RBFOX1: variants seen among roughly 807,000 people sequenced by gnomAD.
RBFOX1 encodes RNA binding fox-1 homolog 1, also known as RNA binding protein fox-1 homolog 1.
In RBFOX1, 8 loss-of-function variants were observed where a neutral mutation model predicts 57.7. The observed-to-expected ratio is 0.14, with a 90% CI of 0.08 to 0.25. The LOEUF is 0.25. Among genes scored for constraint, RBFOX1 ranks in the 10% least tolerant of loss-of-function variants. The probability of loss-of-function intolerance (pLI) is 1.00; values close to 1 mark genes in which losing one functional copy is unlikely to be tolerated. For synonymous variants in RBFOX1, 326 were observed against 222.4 expected, an observed-to-expected ratio of 1.47 and a Z score of -4.15; for missense variants, 611 against 548.5, an observed-to-expected ratio of 1.11 and a Z score of -1.14.
chr16:6,492,346 G>C (rs11640093), intron 2 of RBFOX1, among the ~76,000 whole-genome samples: 19,224 of 152,008 alleles, frequency 0.13, 1,931 homozygotes, highest in East Asian at 0.43. Context: ...AAGGAAGGAG[G>C]ATCATGAGGT....
intron 4 of RBFOX1, among the ~76,000 whole-genome samples, chr16:7,350,699 A>G (rs993087324): frequency 6.6e-6 from 1 of 152,198 alleles, no homozygotes; most frequent in African/African-American, 2.4e-5. Context: ...TCATGCTGCC[A>G]TTTCTTTGAT....
chr16:6,937,446 G>A (rs1440311601), intron 3 of RBFOX1, among the ~76,000 whole-genome samples: 1 of 152,106 alleles, frequency 6.6e-6, no homozygotes, highest in African/African-American at 2.4e-5. Context: ...AGATGTCAAT[G>A]AAAAGAGTCA....
chr16:7,547,326 G>A (rs565731344), intron 5 of RBFOX1, among the ~76,000 whole-genome samples: 5 of 152,310 alleles, frequency 3.3e-5, no homozygotes, highest in African/African-American at 1.2e-4. Flanking sequence ...CTGTTTGTAA[G>A]TGGCCACTAA....
chr16:6,721,314 G>A (rs1442066307), intron 3 of RBFOX1, among the ~76,000 whole-genome samples: 1 of 152,054 alleles, frequency 6.6e-6, no homozygotes, highest in Non-Finnish European at 1.5e-5. Flanking sequence ...ATGGTGGCGG[G>A]TGCCTGTAAT....
intron 4 of RBFOX1, among the ~76,000 whole-genome samples, chr16:7,406,904 C>T (rs2098351379): frequency 6.6e-6 from 1 of 152,168 alleles, no homozygotes. Flanking sequence ...CTCATGGCCC[C>T]TTCCTCCGTC....
intron 3 of RBFOX1, among the ~76,000 whole-genome samples, chr16:6,933,724 A>G (rs1048042424): frequency 1.3e-5 from 2 of 152,266 alleles, no homozygotes; most frequent in African/African-American, 4.8e-5. Flanking sequence ...CATTAAAACA[A>G]AAACAAATTG....
chr16:7,394,418 C>T (rs1044851499), intron 4 of RBFOX1, among the ~76,000 whole-genome samples: 2 of 152,048 alleles, frequency 1.3e-5, no homozygotes, highest in Non-Finnish European at 2.9e-5. Context: ...GAATCTCTTG[C>T]TTACCTCCCC....
At chr16:7,565,291 T>C (rs1460639526) in intron 5 of RBFOX1, among the ~76,000 whole-genome samples, 1 of 152,164 alleles carries the variant, frequency 6.6e-6, no homozygotes, top group Non-Finnish European at 1.5e-5. Flanking sequence ...GCCACCATCC[T>C]TGGATTCTTT....
chr16:6,755,820 A>C (rs146476706), intron 3 of RBFOX1, among the ~76,000 whole-genome samples: 17 of 152,224 alleles, frequency 1.1e-4, no homozygotes, highest in African/African-American at 3.9e-4. Flanking sequence ...GAGCGATTAT[A>C]CTTAAAGTAA....
chr16:5,844,397 A>G (rs949702536), intron 3 of RBFOX1, among the ~76,000 whole-genome samples: 18 of 152,216 alleles, frequency 1.2e-4, no homozygotes, highest in African/African-American at 4.3e-4. Context: ...CACAAGGGTA[A>G]AGAATGGTCC....
intron 4 of RBFOX1, among the ~76,000 whole-genome samples, chr16:7,271,663 G>A (rs9924759): frequency 0.37 from 55,584 of 151,932 alleles, 11,350 homozygotes; most frequent in African/African-American, 0.54. Context: ...ACCATTGATG[G>A]CTCAAATGCC....
At chr16:6,627,877 T>C (rs1170316458) in intron 2 of RBFOX1, among the ~76,000 whole-genome samples, 3 of 152,192 alleles carry the variant, frequency 2.0e-5, no homozygotes, top group Non-Finnish European at 2.9e-5. Flanking sequence ...ACAAAGCATT[T>C]AGACATCTTA....
intron 1 of RBFOX1, among the ~76,000 whole-genome samples, chr16:6,293,689 C>G (rs1317754433): frequency 6.6e-6 from 1 of 152,038 alleles, no homozygotes. Flanking sequence ...CTAGTTCAGC[C>G]CTCGTCGCCT....
At chr16:6,487,378 T>C (rs2095508240) in intron 2 of RBFOX1, among the ~76,000 whole-genome samples, 1 of 151,970 alleles carries the variant, frequency 6.6e-6, no homozygotes, top group African/African-American at 2.4e-5. Context: ...ACCTATAGGG[T>C]ATTGGGAGGG....
intron 3 of RBFOX1, among the ~76,000 whole-genome samples, chr16:5,787,855 T>G (rs1371611180): frequency 6.6e-6 from 1 of 152,164 alleles, no homozygotes; most frequent in African/African-American, 2.4e-5. Flanking sequence ...GAAGAATGCA[T>G]TGCAATTGCA....
intron 3 of RBFOX1, among the ~76,000 whole-genome samples, chr16:5,724,340 A>C (rs921086492): frequency 6.6e-6 from 1 of 152,076 alleles, no homozygotes; most frequent in African/African-American, 2.4e-5. Flanking sequence ...TTTCACTGCC[A>C]TTTGGGGAGA....
intron 4 of RBFOX1, among the ~76,000 whole-genome samples, chr16:7,494,376 G>A (rs372323745): frequency 2.0e-5 from 3 of 152,084 alleles, no homozygotes; most frequent in African/African-American, 7.2e-5. Flanking sequence ...TTCCAAGCCC[G>A]CTGTGTGATG....
intron 3 of RBFOX1, among the ~76,000 whole-genome samples, chr16:6,789,288 A>C (rs570033442): frequency 1.1e-4 from 17 of 152,310 alleles, no homozygotes; most frequent in Admixed American, 2.6e-4. Flanking sequence ...TAAATACAGC[A>C]GTTGATATTT....
intron 3 of RBFOX1, among the ~76,000 whole-genome samples, chr16:5,757,156 T>C (rs900279177): frequency 1.3e-5 from 2 of 151,856 alleles, no homozygotes; most frequent in East Asian, 3.9e-4. Flanking sequence ...TTGCCCTTGG[T>C]CGATATTCAG....
Sources: allele counts gnomAD v4.1 joint callset (sites outside exome capture counted in the v4.1 genomes callset), GRCh38; gene constraint gnomAD v4.1.1; transcripts MANE v1.5; gene names NCBI Gene and HGNC (gene_info 2026-07-23, HGNC 2026-07-21).